Variants in DYM observed in about 807,000 individuals in gnomAD.
The protein encoded by DYM is dyggve-Melchior-Clausen syndrome protein.
In DYM, 78 loss-of-function variants were observed where a neutral mutation model predicts 93.1. The ratio of observed to expected loss-of-function variants is 0.84; its 90% CI spans 0.70 to 1.01. DYM has a LOEUF of 1.01. Ranked by LOEUF, DYM falls within the 50% of genes least tolerant of loss-of-function variation. The pLI is 0.00. For missense variants in DYM, 789 were observed against 845.0 expected (o/e 0.93, Z 0.82); for synonymous variants, 321 against 319.7 (o/e 1.00, Z -0.04).
At position 49,331,968 on chromosome 18, in the gene DYM, T is replaced by C. The variant is rs1276643644; in HGVS notation, c.659A>G (p.Tyr220Cys). The C allele has an allele frequency of 3.1e-6, 5 of 1,614,018 alleles. No individual in the cohort carries two copies. Among genetic ancestry groups the C allele is most frequent in the Non-Finnish European group, 2.5e-6 (3 of 1,179,954 alleles). The change falls in exon 8 of 18, where the codon TAT becomes TGT. Residue 220 changes from tyrosine to cysteine, a missense_variant. Coordinates refer to ENST00000675505, the MANE Select transcript of DYM (RefSeq NM_001353214.3). ...TGGCTTTTCTTGTCTGATAAAGTTA[T>C]ATAATAAGGTCTTCACAAGTTTGCT... ...YTSKLVKTLL[Y>C]NFIRQEKPPP... is the part of the protein sequence containing the mutation.
At chr18:49,378,749 A>G (rs571006325) in intron 4 of DYM, 49 bp from the exon 5 acceptor site, 32 of 1,593,334 alleles carry the variant, frequency 2.0e-5, no homozygotes, top group Admixed American at 1.5e-4. Flanking sequence ...CATAAGCACC[A>G]TAGTTTATTT....
chr18:49,228,468 G>C (rs955830878), intron 13 of DYM, among the ~76,000 whole-genome samples: 8 of 152,140 alleles, frequency 5.3e-5, no homozygotes, highest in Admixed American at 2.6e-4. Context: ...GCAGACGGAA[G>C]TGAGAAAAAT....
At chr18:49,146,299 T>C (rs999683491) in intron 15 of DYM, among the ~76,000 whole-genome samples, 20 of 152,146 alleles carry the variant, frequency 1.3e-4, no homozygotes, top group African/African-American at 4.3e-4. Flanking sequence ...CAGGGATGCC[T>C]TCTCTCACCA....
intron 14 of DYM, among the ~76,000 whole-genome samples, chr18:49,203,170 A>G (rs1600613918): frequency 2.8e-5 from 2 of 71,446 alleles, no homozygotes; most frequent in African/African-American, 5.5e-5. Context: ...CCCGTCCGGG[A>G]GGGAGGTTGG....
intron 13 of DYM, among the ~76,000 whole-genome samples, chr18:49,246,997 T>C (rs1486471695): frequency 6.6e-6 from 1 of 152,190 alleles, no homozygotes; most frequent in Non-Finnish European, 1.5e-5. Context: ...TTAGCAGCCT[T>C]GTGCTCCGGG....
intron 10 of DYM, among the ~76,000 whole-genome samples, chr18:49,280,557 T>C (rs1052044844): frequency 1.3e-5 from 2 of 152,152 alleles, no homozygotes; most frequent in Non-Finnish European, 2.9e-5. Context: ...ACAGGCTGAA[T>C]CCTGGGCAAC....
intron 8 of DYM, among the ~76,000 whole-genome samples, chr18:49,326,014 A>T (rs2062851090): frequency 6.6e-6 from 1 of 152,250 alleles, no homozygotes; most frequent in Non-Finnish European, 1.5e-5. Context: ...GGAAAGGAGG[A>T]TGCATTCATC....
intron 14 of DYM, chr18:49,205,890 CTCTT>C (rs896634336): frequency 3.7e-5 from 6 of 161,830 alleles, no homozygotes; most frequent in Non-Finnish European, 8.0e-5. Context: ...CAGAAGTGCT[CTCTT>C]TCAGGGTTGC....
chr18:49,396,082 C>T lies in DYM; in HGVS notation c.141-4437G>A, dbSNP rs955956511. Among the ~76,000 whole-genome samples the T allele has an allele frequency of 2.0e-5, 3 of 152,192 alleles. No individual in the cohort carries two copies. In the East Asian group the frequency reaches 5.8e-4, roughly 29 times the overall value. ...TATGTTCTCTGTACACACCAGCTCCCCTTCACCTTCTGCCATGAGTGGAAG... is the reference window on the plus strand; with the variant it reads ...TATGTTCTCTGTACACACCAGCTCCTCTTCACCTTCTGCCATGAGTGGAAG... On this transcript the variant is annotated intron_variant, in intron 2 of 17. Transcript: ENST00000675505.
chr18:49,119,317 A>AT (rs2082175258), intron 15 of DYM, among the ~76,000 whole-genome samples: 1 of 152,208 alleles, frequency 6.6e-6, no homozygotes. Flanking sequence ...TCCAAGAAAA[A>AT]TGCCTAATTC....
chr18:49,451,688 T>C (rs1321992882), intron 1 of DYM, among the ~76,000 whole-genome samples: 1 of 152,212 alleles, frequency 6.6e-6, no homozygotes, highest in Non-Finnish European at 1.5e-5. Flanking sequence ...TTTATGCAAA[T>C]AACAAGGCCA....
rs1045980450 is a variant in DYM at position 49,460,644 on chromosome 18, G to T, written c.-300C>A. 6.6e-6 allele frequency: 1 copy of T among 152,170 alleles called. No homozygotes were observed. The highest frequency in any genetic ancestry group is 2.4e-5 in the African/African-American group (1 of 41,422). 9.4% of individuals were successfully genotyped at this position (152,170 alleles called of 1,614,324 possible). On this transcript the variant is annotated 5_prime_UTR_variant, in exon 1 of 18. Coordinates refer to ENST00000675505, the MANE Select transcript of DYM (RefSeq NM_001353214.3). ...AGGCCAGGAGGCGGCGAGAGAAGAG[G>T]GAAGCGACCGAGAACGCGGCTAGGG...
At chr18:49,065,902 GA>G (rs1179540962) in intron 17 of DYM, among the ~76,000 whole-genome samples, 3 of 152,032 alleles carry the variant, frequency 2.0e-5, no homozygotes, top group Non-Finnish European at 4.4e-5. Context: ...TGGAAAGAGG[GA>G]GAATAATTTT....
At chr18:49,292,803 C>A (rs577529255) in intron 8 of DYM, among the ~76,000 whole-genome samples, 1 of 152,078 alleles carries the variant, frequency 6.6e-6, no homozygotes, top group South Asian at 2.1e-4. Flanking sequence ...ACTAAAAGAA[C>A]AAATCTGGTG....
intron 17 of DYM, among the ~76,000 whole-genome samples, chr18:49,063,723 T>G (rs2076178984): frequency 1.3e-5 from 2 of 151,122 alleles, no homozygotes; most frequent in South Asian, 4.2e-4. Flanking sequence ...GCTTCCTGGG[T>G]TGAAGCGATT....
At chr18:49,353,309 A>AATTATTTTGAATCTGTCTTCTCATTAG (rs1311574599) in intron 6 of DYM, among the ~76,000 whole-genome samples, 1 of 152,078 alleles carries the variant, frequency 6.6e-6, no homozygotes, top group African/African-American at 2.4e-5. Context: ...CATTATTTTT[A>AATTATTTTGAATCTGTCTTCTCATTAG]TTGAACCCAA....
chr18:49,222,816 A>G (rs1013026438), intron 13 of DYM, among the ~76,000 whole-genome samples: 2 of 152,192 alleles, frequency 1.3e-5, no homozygotes, highest in African/African-American at 4.8e-5. Context: ...GAAAAACTCT[A>G]TGTCACAAAT....
intron 15 of DYM, among the ~76,000 whole-genome samples, chr18:49,156,003 C>T (rs2086370150): frequency 6.6e-6 from 1 of 152,160 alleles, no homozygotes; most frequent in Non-Finnish European, 1.5e-5. Context: ...ATATAACATT[C>T]CCATGAGCAG....
intron 16 of DYM, among the ~76,000 whole-genome samples, chr18:49,107,889 G>C (rs1213160035): frequency 6.6e-6 from 1 of 152,212 alleles, no homozygotes; most frequent in Admixed American, 6.5e-5. Flanking sequence ...TCCATTCTCA[G>C]ATCTCCAGCT....
Sources: allele counts gnomAD v4.1 joint callset (sites outside exome capture counted in the v4.1 genomes callset), GRCh38; gene constraint gnomAD v4.1.1; transcripts MANE v1.5; gene names NCBI Gene and HGNC (gene_info 2026-07-23, HGNC 2026-07-21).